Variants in NDUFB6 observed in about 807,000 individuals in gnomAD.
NDUFB6 encodes NADH dehydrogenase [ubiquinone] 1 beta subcomplex subunit 6.
Under a neutral mutation model 17.5 loss-of-function variants are expected in NDUFB6, and 23 were observed. That is an observed-to-expected ratio of 1.31 (90% CI 0.94 to 1.86). The LOEUF (loss-of-function observed/expected upper bound fraction) is 1.86, where lower values mean the gene tolerates loss of function less well. NDUFB6 is among the 40% of genes most tolerant of loss of function. The pLI is 0.00. For missense variants in NDUFB6, 167 were observed against 153.8 expected (o/e 1.09, Z -0.46); for synonymous variants, 60 against 53.5 (o/e 1.12, Z -0.53).
chr9:32,553,931 A>G lies in NDUFB6; in HGVS notation c.332T>C (p.Leu111Pro). 1 of 1,593,552 alleles carries G rather than the reference A, an allele frequency of 6.3e-7. No homozygotes were observed. The highest frequency in any genetic ancestry group is 1.1e-5 in the South Asian group (1 of 90,230). ...KSRIFPGDTI[L>P]ETGEVIPPMK... ...TGGTGGAATTACTTCTCCAGTCTCC[A>G]GAATTGTATCACCCTAGGAAAACAA... Residue 111 changes from leucine (L) to proline (P), a missense_variant, in exon 4 of 4, where the codon CTG becomes CCG. Leu to Pro is a moderately conservative substitution (Grantham distance 98, BLOSUM62 -3). Coordinates refer to ENST00000379847, the MANE Select transcript of NDUFB6 (RefSeq NM_002493.5).
chr9:32,567,294 T>C (rs1821825503), intron 2 of NDUFB6: 1 of 471,112 alleles, frequency 2.1e-6, no homozygotes, highest in African/African-American at 2.0e-5. Flanking sequence ...GCTAACAGCA[T>C]GTGTTCACTT....
chr9:32,572,942 A>G lies in NDUFB6; in HGVS notation c.119T>C (p.Met40Thr), dbSNP rs910681974. 15 of 1,609,170 alleles carry G rather than the reference A, an allele frequency of 9.3e-6. No homozygotes were observed. Among genetic ancestry groups the G allele is most frequent in the African/African-American group, 1.3e-5 (1 of 74,674 alleles). The change falls in exon 1 of 4, where the codon ATG (methionine) becomes ACG (threonine). Residue 40 changes from methionine to threonine, a missense_variant. Physicochemically the swap from Met to Thr is moderately conservative, Grantham distance 81. Coordinates refer to ENST00000379847, the MANE Select transcript of NDUFB6 (RefSeq NM_002493.5). ...ATTCCAGAATTTCTCCATAGGCCCC[A>G]TCTTCTGTGGGGGCAGCACCGGCTC... ...PREPVLPPQK[M>T]GPMEKFWNKF... is the part of the protein sequence containing the mutation.
intron 2 of NDUFB6, among the ~76,000 whole-genome samples, chr9:32,569,258 C>T (rs1821889424): frequency 6.6e-6 from 1 of 151,706 alleles, no homozygotes; most frequent in Admixed American, 6.6e-5. Context: ...CTCACTCTGT[C>T]GCCAGGCTGG....
At chr9:32,569,305 A>T (rs1015317338) in intron 2 of NDUFB6, among the ~76,000 whole-genome samples, 5 of 151,166 alleles carry the variant, frequency 3.3e-5, no homozygotes, top group Admixed American at 6.6e-5. Flanking sequence ...TGCAACCTCC[A>T]CCTCCCAGGT....
At chr9:32,567,133 T>G (rs1007260038) in intron 2 of NDUFB6, 3 of 479,106 alleles carry the variant, frequency 6.3e-6, no homozygotes, top group South Asian at 1.5e-5. Context: ...GCACTGCAGA[T>G]GTACTCAACG....
Position 32,573,085 on chromosome 9 carries a change from G to C in NDUFB6, c.-25C>G, listed in dbSNP as rs750844538. ...TGTCGCCGCTGGTACCAACGCAAAA[G>C]GACACGGCGCACCCTCGAACTACGG... On this transcript the variant is annotated 5_prime_UTR_variant, in exon 1 of 4. Transcript: ENST00000379847. 6.6e-7 allele frequency: 1 copy of C among 1,517,570 alleles called. No individual in the cohort carries two copies. The highest frequency in any genetic ancestry group is 1.2e-5 in the South Asian group (1 of 80,906). The allele number at this position is 1,517,570 out of a possible 1,614,324, so 94.0% of individuals were successfully genotyped here. A position where few individuals can be genotyped will look rare whatever the true frequency, so the allele number is the denominator to read the frequency against.
intron 2 of NDUFB6, among the ~76,000 whole-genome samples, chr9:32,560,216 A>G (rs1821587656): frequency 6.6e-6 from 1 of 152,234 alleles, no homozygotes; most frequent in Non-Finnish European, 1.5e-5. Context: ...AAAGTAAGGT[A>G]AGTGAGTGGC....
intron 3 of NDUFB6, among the ~76,000 whole-genome samples, chr9:32,557,997 AC>A (rs1418528774): frequency 6.6e-6 from 1 of 152,260 alleles, no homozygotes; most frequent in Admixed American, 6.5e-5. Flanking sequence ...TATGTATTCT[AC>A]TATGCTAAAC....
rs544213588 is a variant in NDUFB6 at position 32,571,266 on chromosome 9, T to C, written c.181-214A>G. Among the ~76,000 whole-genome samples, 75 of 150,150 alleles carry C rather than the reference T, an allele frequency of 5.0e-4. 2 individuals are homozygous for C. The highest frequency in any genetic ancestry group is 3.6e-4 in the Non-Finnish European group (24 of 67,342). On this transcript the variant is annotated intron_variant, in intron 1 of 3. Transcript: ENST00000379847. The stretch of plus-strand genomic sequence containing the variant: ...GATACCTACAAAGTCCAGACCAAAA[T>C]GCTTAAGCAGTATTTTGCAAGACTA...
rs531262223 is a variant in NDUFB6 at position 32,555,517 on chromosome 9, A to G, written c.319-1573T>C. 2.6e-5 allele frequency among the ~76,000 whole-genome samples: 4 copies of G among 152,390 alleles called. No individual in the cohort carries two copies. In the East Asian group the frequency reaches 5.8e-4, roughly 22 times the overall value. On this transcript the variant is annotated intron_variant, in intron 3 of 3. Coordinates refer to ENST00000379847, the MANE Select transcript of NDUFB6 (RefSeq NM_002493.5). ...GACAAGCTGGTAACTGTGTATAGGA[A>G]AAACAGATACTGGCATGAGACACTG...
At chr9:32,566,822 T>A in intron 2 of NDUFB6, 1 of 884,140 alleles carries the variant, frequency 1.1e-6, no homozygotes, top group Non-Finnish European at 1.8e-6. Context: ...TCTGCCTCTG[T>A]GGGGGCCTGC....
chr9:32,559,597 T>C (rs548400289), intron 2 of NDUFB6, among the ~76,000 whole-genome samples: 2 of 152,298 alleles, frequency 1.3e-5, no homozygotes, highest in Non-Finnish European at 2.9e-5. Context: ...CTGTACTTCA[T>C]GATTCCTCTA....
chr9:32,556,351 CCT>C (rs975933884), intron 3 of NDUFB6, among the ~76,000 whole-genome samples: 32 of 152,310 alleles, frequency 2.1e-4, no homozygotes, highest in South Asian at 6.2e-4. Flanking sequence ...AAAATCATCC[CCT>C]GAGACATCCT....
intron 2 of NDUFB6, among the ~76,000 whole-genome samples, chr9:32,561,966 T>G (rs974901316): frequency 6.6e-6 from 1 of 152,226 alleles, no homozygotes; most frequent in Non-Finnish European, 1.5e-5. Flanking sequence ...TGTATCACAT[T>G]CATCAAGTCA....
chr9:32,563,260 CTT>C (rs893729582), intron 2 of NDUFB6, among the ~76,000 whole-genome samples: 10 of 152,122 alleles, frequency 6.6e-5, no homozygotes, highest in African/African-American at 2.2e-4. Context: ...CAAAGATACT[CTT>C]TCTCTCTTTG....
intron 2 of NDUFB6, chr9:32,568,659 T>A (rs1247930490): frequency 6.0e-6 from 1 of 165,934 alleles, no homozygotes; most frequent in Non-Finnish European, 1.4e-5. Flanking sequence ...TATATATATG[T>A]ATATATGTAC....
chr9:32,553,943 C>A lies in NDUFB6; in HGVS notation c.320G>T (p.Gly107Val), dbSNP rs1271897712. The change falls in exon 4 of 4, where the codon GGT (glycine) becomes GTT (valine). Residue 107 changes from glycine (G) to valine (V), a missense_variant and splice_region_variant. Gly to Val is a moderately radical substitution (Grantham distance 109). Coordinates refer to ENST00000379847, the MANE Select transcript of NDUFB6 (RefSeq NM_002493.5). ...IVEKKSRIFPGDTILETGEVI... is the reference protein window; with the variant it reads ...IVEKKSRIFPVDTILETGEVI... ...TTCTCCAGTCTCCAGAATTGTATCA[C>A]CCTAGGAAAACAAAGATACAGTTAG... The A allele has an allele frequency of 2.5e-6, 4 of 1,583,500 alleles. No homozygotes were observed. The highest frequency in any genetic ancestry group is 2.2e-5 in the East Asian group (1 of 44,588).
At chr9:32,566,785 C>T (rs1821804583) in intron 2 of NDUFB6, 6 of 915,396 alleles carry the variant, frequency 6.6e-6, no homozygotes, top group Admixed American at 1.7e-5. Context: ...TTCTGGCTGA[C>T]GTTGTACAGG....
intron 2 of NDUFB6, among the ~76,000 whole-genome samples, chr9:32,561,218 T>C (rs993620032): frequency 2.0e-5 from 3 of 152,182 alleles, no homozygotes; most frequent in African/African-American, 7.2e-5. Context: ...CCAACTCTAA[T>C]TCCTCTTAGA....
Sources: gnomAD v4.1 joint callset for allele counts (sites outside exome capture counted in the v4.1 genomes callset) on GRCh38, gnomAD v4.1.1 for gene constraint, MANE v1.5 for transcripts, NCBI Gene and HGNC (gene_info 2026-07-23, HGNC 2026-07-21) for gene names.